Variants in ELL observed in about 807,000 individuals in gnomAD.
ELL encodes RNA polymerase II elongation factor ELL.
A neutral mutation model predicts 64.0 loss-of-function variants in ELL; 18 were observed. That is an observed-to-expected ratio of 0.28 (90% CI 0.19 to 0.42). The LOEUF is 0.42. Ranked by LOEUF, ELL falls within the 10% of genes least tolerant of loss-of-function variation. The pLI, the probability that ELL is intolerant of heterozygous loss-of-function variation, is 1.00. For synonymous variants in ELL, 399 were observed against 376.2 expected, an observed-to-expected ratio of 1.06 and a Z score of -0.70; for missense variants, 797 against 870.4, an observed-to-expected ratio of 0.92 and a Z score of 1.06.
intron 1 of ELL, among the ~76,000 whole-genome samples, chr19:18,502,327 C>T (rs557832908): frequency 2.6e-5 from 4 of 152,290 alleles, no homozygotes; most frequent in South Asian, 2.1e-4. Context: ...AGCCATCATC[C>T]GTGGAGAGCA....
chr19:18,507,654 C>T (rs1975911475), intron 1 of ELL, among the ~76,000 whole-genome samples: 2 of 152,230 alleles, frequency 1.3e-5, no homozygotes, highest in Non-Finnish European at 2.9e-5. Context: ...GCCATGTGAG[C>T]GCAGGGGCTT....
chr19:18,462,654 T>C (rs886870551), intron 4 of ELL, among the ~76,000 whole-genome samples: 3 of 152,126 alleles, frequency 2.0e-5, no homozygotes, highest in African/African-American at 7.2e-5. Flanking sequence ...AGTGCTGGTA[T>C]TATAAACCAG....
In ELL at chr19:18,461,796, G is replaced by A. The variant is rs539235213; in HGVS notation, c.526C>T (p.Arg176Trp). ...APGATDAVPS[R>W]KRATPINLAS... Reference sequence around the variant, plus strand: ...AAGTTGATGGGGGTTGCCCGCTTCCGGGAGGGCACCGCGTCTGTTGCACCT... The same window carrying A: ...AAGTTGATGGGGGTTGCCCGCTTCCAGGAGGGCACCGCGTCTGTTGCACCT... The change falls in exon 5 of 12, where the codon CGG becomes TGG. Residue 176 changes from arginine (R) to tryptophan (W), a missense_variant. By Grantham distance (101) the Arg-to-Trp change is moderately radical. Transcript: ENST00000262809. 34 of 1,614,006 alleles carry A rather than the reference G, an allele frequency of 2.1e-5. No individual in the cohort carries two copies. Among genetic ancestry groups the A allele is most frequent in the South Asian group, 8.8e-5 (8 of 91,090 alleles).
At chr19:18,460,262 C>T (rs928723333) in intron 5 of ELL, among the ~76,000 whole-genome samples, 1 of 152,236 alleles carries the variant, frequency 6.6e-6, no homozygotes, top group African/African-American at 2.4e-5. Context: ...TACAAGCCAA[C>T]AGTGTCCTGC....
At chr19:18,484,541 G>A (rs1975371253) in intron 1 of ELL, among the ~76,000 whole-genome samples, 1 of 152,216 alleles carries the variant, frequency 6.6e-6, no homozygotes, top group African/African-American at 2.4e-5. Context: ...CTCAGGTGCT[G>A]AGGCAGAAGG....
At chr19:18,516,204 A>G (rs1328367536) in intron 1 of ELL, among the ~76,000 whole-genome samples, 2 of 152,058 alleles carry the variant, frequency 1.3e-5, no homozygotes, top group Non-Finnish European at 2.9e-5. Flanking sequence ...CAGCCCACCC[A>G]CTTAGCAGCA....
intron 6 of ELL, among the ~76,000 whole-genome samples, chr19:18,457,521 A>T (rs1424942893): frequency 6.6e-6 from 1 of 152,220 alleles, no homozygotes; most frequent in Non-Finnish European, 1.5e-5. Flanking sequence ...TTACTGCTTT[A>T]AACAGCTGAA....
intron 1 of ELL, among the ~76,000 whole-genome samples, chr19:18,517,958 C>T (rs1976164051): frequency 6.7e-6 from 1 of 149,998 alleles, no homozygotes; most frequent in East Asian, 2.0e-4. Context: ...CGAAGGCTCA[C>T]TCCTATAATC....
At position 18,501,851 on chromosome 19, in the gene ELL, G is replaced by A. The variant is rs1321563219; in HGVS notation, c.135+20070C>T. 6.6e-6 allele frequency among the ~76,000 whole-genome samples: 1 copy of A among 152,184 alleles called. No individual in the cohort carries two copies. Among genetic ancestry groups the A allele is most frequent in the Admixed American group, 6.5e-5 (1 of 15,272 alleles). On this transcript the variant is annotated intron_variant, in intron 1 of 11. Transcript: ENST00000262809. The surrounding 1 kb of genome is among the most constrained non-coding windows in gnomAD (Gnocchi z 4.5). ...CGTGTCTGCGGGTGGGCAGGAAGGA[G>A]GGGAGGCAGCATGGGCACCAGTGAC...
rs1974812192 is a variant in ELL at position 18,461,490 on chromosome 19, C to T, written c.744+88G>A. 7 of 1,523,682 alleles carry T rather than the reference C, an allele frequency of 4.6e-6. No homozygotes were observed. The Admixed American group carries it at 9.3e-5, about 20-fold the overall frequency. The allele number at this position is 1,523,682 out of a possible 1,614,324, so 94.4% of individuals were successfully genotyped here. ...AGGGCTCTTCCTTGCCAGTCCCAATCCCAGTCTCCATGCTCTGGCCCATCC... is the reference window on the plus strand; with the variant it reads ...AGGGCTCTTCCTTGCCAGTCCCAATTCCAGTCTCCATGCTCTGGCCCATCC... On this transcript the variant is annotated intron_variant, in intron 5 of 11. Transcript: ENST00000262809.
intron 1 of ELL, among the ~76,000 whole-genome samples, chr19:18,485,840 G>T (rs1479755911): frequency 1.3e-5 from 2 of 152,122 alleles, no homozygotes; most frequent in Non-Finnish European, 2.9e-5. Flanking sequence ...CAAAAAATTA[G>T]CCGGGCGTGG....
chr19:18,455,174 A>G (rs1165653202), intron 6 of ELL, among the ~76,000 whole-genome samples: 1 of 150,750 alleles, frequency 6.6e-6, no homozygotes, highest in African/African-American at 2.4e-5. Context: ...AGAAAGAAAA[A>G]GACATCCTTT....
intron 1 of ELL, among the ~76,000 whole-genome samples, chr19:18,498,553 C>G (rs997237934): frequency 2.0e-5 from 3 of 152,204 alleles, no homozygotes; most frequent in African/African-American, 4.8e-5. Context: ...ACGACCAGGA[C>G]AGAAGGTCCG....
chr19:18,485,434 G>T (rs1405572621), intron 1 of ELL, among the ~76,000 whole-genome samples: 2 of 152,134 alleles, frequency 1.3e-5, no homozygotes, highest in Non-Finnish European at 2.9e-5. Flanking sequence ...GGCCCCTTCT[G>T]CCGAGCCCCA....
At chr19:18,492,252 C>T (rs1031361101) in intron 1 of ELL, among the ~76,000 whole-genome samples, 12 of 152,200 alleles carry the variant, frequency 7.9e-5, no homozygotes, top group African/African-American at 2.7e-4. Flanking sequence ...CTTCCTCATC[C>T]GTCATGGTGA....
intron 1 of ELL, among the ~76,000 whole-genome samples, chr19:18,498,345 C>A (rs983157951): frequency 6.6e-6 from 1 of 152,154 alleles, no homozygotes; most frequent in African/African-American, 2.4e-5. Flanking sequence ...TCGAGAAGGG[C>A]TTCATAGTAG....
At position 18,452,624 on chromosome 19, in the gene ELL, A is replaced by C. The variant is rs1462683693; in HGVS notation, c.870-976T>G. Among the ~76,000 whole-genome samples, 4 of 152,276 alleles carry C rather than the reference A, an allele frequency of 2.6e-5. No individual in the cohort carries two copies. In the East Asian group the frequency reaches 5.8e-4, roughly 22 times the overall value. On this transcript the variant is annotated intron_variant, in intron 6 of 11. Coordinates refer to ENST00000262809, the MANE Select transcript of ELL (RefSeq NM_006532.4). ...GCACCACGACCTCAGGGGACAACAG[A>C]CTGCTGCAGGGCCATCCCCCACAGC...
At chr19:18,466,172 C>T (rs1974931951) in intron 2 of ELL, among the ~76,000 whole-genome samples, 2 of 152,226 alleles carry the variant, frequency 1.3e-5, no homozygotes, top group South Asian at 4.1e-4. Context: ...TCAGCAGCAA[C>T]AGCACTGCTG....
In ELL at chr19:18,472,816, G is replaced by A. The variant is rs1255942529; in HGVS notation, c.183+19C>T. 1 of 1,510,068 alleles carries A rather than the reference G, an allele frequency of 6.6e-7. No homozygotes were observed. 93.5% of individuals were successfully genotyped at this position (1,510,068 alleles called of 1,614,324 possible). A position where few individuals can be genotyped will look rare whatever the true frequency, so the allele number is the denominator to read the frequency against. ...CAGTCCCAAGATTCCAAATATGAAT[G>A]ATTAAGACAAAAACTTACCCCTTGG... On this transcript the variant is annotated intron_variant, in intron 2 of 11. Transcript: ENST00000262809.
Sources: allele counts gnomAD v4.1 joint callset (sites outside exome capture counted in the v4.1 genomes callset), GRCh38; gene constraint gnomAD v4.1.1; non-coding constraint Gnocchi (gnomAD v3.1); transcripts MANE v1.5; gene names NCBI Gene and HGNC (gene_info 2026-07-23, HGNC 2026-07-21).